TBL1X: variants seen among roughly 807,000 people sequenced by gnomAD.
TBL1X encodes the protein F-box-like/WD repeat-containing protein TBL1X.
A neutral mutation model predicts 50.7 loss-of-function variants in TBL1X; 10 were observed. The observed-to-expected ratio is 0.20, with a 90% CI of 0.12 to 0.33. TBL1X has a LOEUF of 0.33. Ranked by LOEUF, TBL1X falls within the 10% of genes least tolerant of loss-of-function variation. TBL1X has a pLI of 1.00. For missense variants in TBL1X, 340 were observed against 504.4 expected, an observed-to-expected ratio of 0.67 and a Z score of 3.12; for synonymous variants, 190 against 214.7, an observed-to-expected ratio of 0.88 and a Z score of 1.01.
At chrX:9,591,348 A>G in intron 2 of TBL1X, among the ~76,000 whole-genome samples, 1 of 112,050 alleles carries the variant, frequency 8.9e-6, no homozygotes. Context: ...TCACTTGCAC[A>G]GCCTCCTGTT....
chrX:9,496,613 A>G (rs755441237), intron 1 of TBL1X, among the ~76,000 whole-genome samples: 11 of 112,552 alleles, frequency 9.8e-5, no homozygotes, highest in Middle Eastern at 4.6e-3. Flanking sequence ...TAAAGGTGCA[A>G]TAATGCTGTT....
rs770377761 is a variant in TBL1X, at chrX:9,697,442, TTG to T, written c.1114+15_1114+16del. Reference sequence around the variant, plus strand: ...CCTTTTCATTCAGGTGAGTTTTTTGTTGTTGTTGTTGTTGTTTGTTTTTTTGT... The same window carrying T: ...CCTTTTCATTCAGGTGAGTTTTTTGTTTGTTGTTGTTGTTTGTTTTTTTGT... On this transcript the variant is annotated intron_variant, in intron 12 of 17. Coordinates refer to ENST00000645353, the MANE Select transcript of TBL1X (RefSeq NM_005647.4). The T allele has an allele frequency of 5.8e-6, 7 of 1,205,160 alleles. No individual in the cohort carries two copies. The South Asian group carries it at 7.2e-5, about 12-fold the overall frequency.
intron 2 of TBL1X, among the ~76,000 whole-genome samples, chrX:9,536,972 C>A (rs975824919): frequency 8.9e-6 from 1 of 112,080 alleles, no homozygotes; most frequent in Non-Finnish European, 1.9e-5. Context: ...GATTTCCAGG[C>A]CGTTAAGTTA....
intron 11 of TBL1X, among the ~76,000 whole-genome samples, chrX:9,696,466 C>T (rs990964521): frequency 8.9e-5 from 10 of 112,866 alleles, no homozygotes; most frequent in Non-Finnish European, 1.5e-4. Context: ...TTGATGAAGA[C>T]GTAACTCCAA....
At chrX:9,472,525 C>A (rs2081823109) in intron 1 of TBL1X, among the ~76,000 whole-genome samples, 1 of 107,117 alleles carries the variant, frequency 9.3e-6, no homozygotes, top group Non-Finnish European at 1.9e-5. Flanking sequence ...CACCTGGACT[C>A]AAGCAATCTT....
intron 15 of TBL1X, among the ~76,000 whole-genome samples, chrX:9,710,487 C>T (rs1035173670): frequency 1.3e-4 from 15 of 111,651 alleles, no homozygotes; most frequent in African/African-American, 4.2e-4. Flanking sequence ...TATAGTACTA[C>T]ACACTCGAGT....
At chrX:9,702,564 C>T (rs1369436533) in intron 12 of TBL1X, among the ~76,000 whole-genome samples, 1 of 105,946 alleles carries the variant, frequency 9.4e-6, no homozygotes, top group Non-Finnish European at 1.9e-5. Flanking sequence ...TATGATTGTG[C>T]CACTGCACTC....
chrX:9,631,607 A>G (rs2146579245), intron 2 of TBL1X, among the ~76,000 whole-genome samples: 1 of 112,601 alleles, frequency 8.9e-6, no homozygotes, highest in South Asian at 3.7e-4. Context: ...GAGCCTTACA[A>G]CAACAATGTG....
At chrX:9,547,947 C>T in intron 2 of TBL1X, among the ~76,000 whole-genome samples, 1 of 97,902 alleles carries the variant, frequency 1.0e-5, no homozygotes, top group Admixed American at 1.2e-4. Context: ...AATCTGCTGC[C>T]TACAGCAACA....
chrX:9,491,492 C>T (rs1319379368), intron 1 of TBL1X, among the ~76,000 whole-genome samples: 1 of 106,478 alleles, frequency 9.4e-6, no homozygotes, highest in African/African-American at 3.4e-5. Flanking sequence ...AGGTGCATAC[C>T]ACCACACCCA....
chrX:9,604,603 T>C (rs1411089901), intron 2 of TBL1X, among the ~76,000 whole-genome samples: 1 of 110,859 alleles, frequency 9.0e-6, no homozygotes, highest in African/African-American at 3.3e-5. Context: ...AGGGTGGCTT[T>C]GGGTCTGAGA....
chrX:9,509,308 A>AT (rs1332678882), intron 2 of TBL1X, among the ~76,000 whole-genome samples: 4 of 97,395 alleles, frequency 4.1e-5, no homozygotes, highest in Non-Finnish European at 8.2e-5. Flanking sequence ...GGAGAATGGC[A>AT]TGAACCCGGG....
chrX:9,715,801 C>A lies in TBL1X; in HGVS notation c.1708-419C>A, dbSNP rs2083274783. Among the ~76,000 whole-genome samples, 5 of 106,416 alleles carry A rather than the reference C, an allele frequency of 4.7e-5. No individual in the cohort carries two copies. The South Asian group carries it at 2.0e-3, about 42-fold the overall frequency. The allele number at this position is 106,416 out of a possible 115,157, so 92.4% of individuals were successfully genotyped here. ...TGGGGCATCTGGATTTCTTATTTTC[C>A]CCTGGACTTGAGGTTGCCCTGACCT... On this transcript the variant is annotated intron_variant, in intron 17 of 17. Transcript: ENST00000645353.
At chrX:9,667,947 T>TA (rs996523463) in intron 5 of TBL1X, among the ~76,000 whole-genome samples, 2 of 111,020 alleles carry the variant, frequency 1.8e-5, no homozygotes, top group Non-Finnish European at 3.8e-5. Context: ...GGTTATGTTT[T>TA]AAAAAAAAAT....
At chrX:9,598,673 T>C (rs1052191513) in intron 2 of TBL1X, among the ~76,000 whole-genome samples, 1 of 111,939 alleles carries the variant, frequency 8.9e-6, no homozygotes. Flanking sequence ...CTGGAGTGGC[T>C]AAAACGACAG....
At chrX:9,480,496 G>A (rs1169245498) in intron 1 of TBL1X, among the ~76,000 whole-genome samples, 1 of 112,021 alleles carries the variant, frequency 8.9e-6, no homozygotes, top group Non-Finnish European at 1.9e-5. Context: ...TTTTCTGTAG[G>A]TTGAATATTT....
rs150579695 is a variant in TBL1X, at chrX:9,493,335, C to G, written c.-200-8445C>G. 1.3e-4 allele frequency among the ~76,000 whole-genome samples: 15 copies of G among 111,769 alleles called. No individual in the cohort carries two copies. The East Asian group carries it at 4.2e-3, about 32-fold the overall frequency. ...CTTGCAGGGGACCTGTTCTCTCGGCCCACTTGTACAGCATGTATAAAAGGA... is the reference window on the plus strand; with the variant it reads ...CTTGCAGGGGACCTGTTCTCTCGGCGCACTTGTACAGCATGTATAAAAGGA... On this transcript the variant is annotated intron_variant, in intron 1 of 17. Coordinates refer to ENST00000645353, the MANE Select transcript of TBL1X (RefSeq NM_005647.4).
At chrX:9,600,131 A>G (rs1569071019) in intron 2 of TBL1X, among the ~76,000 whole-genome samples, 1 of 111,783 alleles carries the variant, frequency 8.9e-6, no homozygotes, top group East Asian at 2.8e-4. Flanking sequence ...AAAACCTGGC[A>G]AGACGTCTTA....
chrX:9,587,845 G>A (rs1161561419), intron 2 of TBL1X, among the ~76,000 whole-genome samples: 1 of 82,625 alleles, frequency 1.2e-5, no homozygotes, highest in Non-Finnish European at 2.2e-5. Context: ...TTCTGTAGAT[G>A]AATGCGTTTG....
Sources: allele counts gnomAD v4.1 joint callset (sites outside exome capture counted in the v4.1 genomes callset), GRCh38; gene constraint gnomAD v4.1.1; transcripts MANE v1.5; gene names NCBI Gene and HGNC (gene_info 2026-07-23, HGNC 2026-07-21).